Variants in DCBLD2 observed in about 807,000 individuals in gnomAD.
The protein encoded by DCBLD2 is discoidin, CUB and LCCL domain containing 2.
DCBLD2 carries 54 observed loss-of-function variants against 86.8 expected under a neutral mutation model. The ratio of observed to expected loss-of-function variants is 0.62; its 90% CI spans 0.50 to 0.78. The LOEUF is 0.78. DCBLD2 is among the 30% of genes least tolerant of loss of function. The pLI, the probability that DCBLD2 is intolerant of heterozygous loss-of-function variation, is 0.00. For synonymous variants in DCBLD2, 354 were observed against 341.3 expected, an observed-to-expected ratio of 1.04 and a Z score of -0.41; for missense variants, 908 against 954.2, an observed-to-expected ratio of 0.95 and a Z score of 0.64.
chr3:98,836,184 A>T (rs915327499), intron 3 of DCBLD2, among the ~76,000 whole-genome samples: 26 of 142,938 alleles, frequency 1.8e-4, no homozygotes, highest in Non-Finnish European at 3.7e-4. Context: ...CCACATATTT[A>T]CCAGCTGCTT....
At chr3:98,819,858 C>T (rs1299576439) in intron 7 of DCBLD2, among the ~76,000 whole-genome samples, 1 of 152,114 alleles carries the variant, frequency 6.6e-6, no homozygotes, top group Non-Finnish European at 1.5e-5. Context: ...TTATTCATTG[C>T]TTATCATCAA....
At chr3:98,896,381 G>T (rs1943750554) in intron 1 of DCBLD2, among the ~76,000 whole-genome samples, 1 of 152,148 alleles carries the variant, frequency 6.6e-6, no homozygotes, top group African/African-American at 2.4e-5. Context: ...CCAGAATGAA[G>T]AATTCAATTA....
At chr3:98,806,848 A>T (rs1941848962) in intron 13 of DCBLD2, among the ~76,000 whole-genome samples, 1 of 152,110 alleles carries the variant, frequency 6.6e-6, no homozygotes, top group Non-Finnish European at 1.5e-5. Context: ...TTACTAGACA[A>T]CTAGTCATAC....
Position 98,812,409 on chromosome 3 carries a change from A to G in DCBLD2, c.1286T>C (p.Ile429Thr). 2 of 1,613,556 alleles carry G rather than the reference A, an allele frequency of 1.2e-6. No individual in the cohort carries two copies. The highest frequency in any genetic ancestry group is 1.7e-6 in the Non-Finnish European group (2 of 1,179,666). Reference sequence around the variant, plus strand: ...CTGCCATTGGGTAGGATTCACTCTAATAAAACGTGCAATAATTGGTGGCAA... The same window carrying G: ...CTGCCATTGGGTAGGATTCACTCTAGTAAAACGTGCAATAATTGGTGGCAA... ...NFLPPIIARF[I>T]RVNPTQWQQK... is the part of the protein sequence containing the mutation. Residue 429 changes from isoleucine (I) to threonine (T), a missense_variant, in exon 10 of 16, where the codon ATT becomes ACT. Ile to Thr is a moderately conservative substitution (Grantham distance 89). Around this residue, in one of 3 missense-constraint regions of DCBLD2, gnomAD observed 606 missense variants for 678.5 expected, o/e 0.89. Coordinates refer to ENST00000326840, the MANE Select transcript of DCBLD2 (RefSeq NM_080927.4).
At chr3:98,852,447 G>A (rs1205895182) in intron 2 of DCBLD2, among the ~76,000 whole-genome samples, 15 of 151,906 alleles carry the variant, frequency 9.9e-5, no homozygotes, top group Non-Finnish European at 1.3e-4. Flanking sequence ...GGGTTTCACC[G>A]TATTTGCCAG....
intron 2 of DCBLD2, among the ~76,000 whole-genome samples, chr3:98,872,715 T>C (rs996341782): frequency 2.0e-5 from 3 of 151,924 alleles, no homozygotes; most frequent in Non-Finnish European, 2.9e-5. Flanking sequence ...TTAAAAAGTA[T>C]AAATTGAAAA....
intron 1 of DCBLD2, among the ~76,000 whole-genome samples, chr3:98,888,287 C>T (rs1236984899): frequency 1.3e-5 from 2 of 151,938 alleles, no homozygotes; most frequent in Admixed American, 1.3e-4. Context: ...TCAAACTCAT[C>T]TCTGCATGTG....
chr3:98,891,019 C>G (rs1431483188), intron 1 of DCBLD2, among the ~76,000 whole-genome samples: 1 of 152,000 alleles, frequency 6.6e-6, no homozygotes, highest in Non-Finnish European at 1.5e-5. Flanking sequence ...GTATTAGGAA[C>G]AACAGTAAAA....
At chr3:98,898,398 G>A (rs1006697803) in intron 1 of DCBLD2, among the ~76,000 whole-genome samples, 10 of 150,042 alleles carry the variant, frequency 6.7e-5, no homozygotes, top group African/African-American at 2.5e-4. Flanking sequence ...CTCCATACTA[G>A]ATGCATTTCT....
intron 14 of DCBLD2, 104 bp downstream of exon 14, chr3:98,801,496 G>A (rs2107417948): frequency 1.2e-6 from 1 of 812,212 alleles, no homozygotes. Flanking sequence ...AACAGTGTCG[G>A]GGAGTTCACC....
intron 2 of DCBLD2, among the ~76,000 whole-genome samples, chr3:98,860,472 G>C (rs968916256): frequency 6.6e-6 from 1 of 152,176 alleles, no homozygotes; most frequent in Non-Finnish European, 1.5e-5. Context: ...AGCAGCCAGA[G>C]AGAAAGGTTG....
intron 13 of DCBLD2, among the ~76,000 whole-genome samples, chr3:98,805,293 A>G (rs562035398): frequency 6.6e-6 from 1 of 152,318 alleles, no homozygotes; most frequent in South Asian, 2.1e-4. Context: ...TTGAATGGAA[A>G]AGAAATAAAA....
rs1001517248 is a variant in DCBLD2, at chr3:98,861,808, T to C, written c.434-12210A>G. ...AAAATGGACACCCTAACATCACAAT[T>C]AAAAGAACTAGAGAAGCAAGAGCAA... is the stretch of plus-strand genomic sequence containing the variant. On this transcript the variant is annotated intron_variant, in intron 2 of 15. Transcript: ENST00000326840. Among the ~76,000 whole-genome samples, 9 of 151,710 alleles carry C rather than the reference T, an allele frequency of 5.9e-5. No homozygotes were observed. In the East Asian group the frequency reaches 1.2e-3, roughly 20 times the overall value.
intron 3 of DCBLD2, among the ~76,000 whole-genome samples, chr3:98,845,714 A>C (rs1478628298): frequency 1.3e-5 from 2 of 152,248 alleles, no homozygotes; most frequent in Admixed American, 1.3e-4. Flanking sequence ...TGTAAGGTTC[A>C]GAATAATGAA....
In DCBLD2 at chr3:98,858,879, G is replaced by A. The variant is rs143408785; in HGVS notation, c.434-9281C>T. ...CTCCAGTCTATAGCTCCCAGTGTGA[G>A]CGACGCAGAAGATGGGTGATTTCTG... On this transcript the variant is annotated intron_variant, in intron 2 of 15. Coordinates refer to ENST00000326840, the MANE Select transcript of DCBLD2 (RefSeq NM_080927.4). 2.4e-3 allele frequency among the ~76,000 whole-genome samples: 370 copies of A among 152,332 alleles called. 1 individual carries two copies. The highest frequency in any genetic ancestry group is 6.8e-3 in the Middle Eastern group (2 of 294).
chr3:98,900,727 AT>A (rs1208947620), intron 1 of DCBLD2: 1 of 217,560 alleles, frequency 4.6e-6, no homozygotes, highest in Admixed American at 5.3e-5. Flanking sequence ...CTTACCTTTA[AT>A]AGGCTTAAGA....
rs941309934 is a variant in DCBLD2, at chr3:98,817,173, C to T, written c.1212+596G>A. Among the ~76,000 whole-genome samples, 4 of 152,182 alleles carry T rather than the reference C, an allele frequency of 2.6e-5. No individual in the cohort carries two copies. In the East Asian group the frequency reaches 7.7e-4, roughly 29 times the overall value. On this transcript the variant is annotated intron_variant, in intron 9 of 15. Transcript: ENST00000326840. ...TCTGAATAAGACCCATCTCTGCCTG[C>T]TCCCCACCCCTTATCATTTCCTCTG...
intron 3 of DCBLD2, among the ~76,000 whole-genome samples, chr3:98,841,425 T>A (rs1020717430): frequency 2.0e-5 from 3 of 152,244 alleles, no homozygotes; most frequent in African/African-American, 7.2e-5. Flanking sequence ...GAGAACTTTG[T>A]AACTGTTGCA....
rs551407047 is a variant in DCBLD2 at position 98,860,445 on chromosome 3, A to G, written c.434-10847T>C. ...TGTCAGATTCACCAAAGTTGAAATG[A>G]AGGAAAAAATGATGAGAGCAGCCAG... is the stretch of plus-strand genomic sequence containing the variant. On this transcript the variant is annotated intron_variant, in intron 2 of 15. Transcript: ENST00000326840. Among the ~76,000 whole-genome samples, 5 of 147,260 alleles carry G rather than the reference A, an allele frequency of 3.4e-5. No homozygotes were observed. In the East Asian group the frequency reaches 5.8e-4, roughly 17 times the overall value.
Sources: gnomAD v4.1 joint callset for allele counts (sites outside exome capture counted in the v4.1 genomes callset) on GRCh38, gnomAD v4.1.1 for gene constraint, gnomAD v4.1.1 regional missense constraint, MANE v1.5 for transcripts, NCBI Gene and HGNC (gene_info 2026-07-23, HGNC 2026-07-21) for gene names.